The following ADAMTSL1 variants were observed in gnomAD, a reference collection of about 807,000 sequenced individuals.
ADAMTSL1 encodes the protein ADAMTS like 1, also known as ADAMTS-like protein 1.
In ADAMTSL1, 126 loss-of-function variants were observed where a neutral mutation model predicts 201.8. That is an observed-to-expected ratio of 0.62 (90% CI 0.54 to 0.72). The LOEUF is 0.72. Among genes scored for constraint, ADAMTSL1 ranks in the 30% least tolerant of loss-of-function variants. ADAMTSL1 has a pLI of 0.00. For synonymous variants in ADAMTSL1, 1,121 were observed against 903.4 expected, an observed-to-expected ratio of 1.24 and a Z score of -4.32; for missense variants, 2,679 against 2,277.8, an observed-to-expected ratio of 1.18 and a Z score of -3.59.
chr9:17,995,324 A>C (rs1819326064), intron 1 of ADAMTSL1, among the ~76,000 whole-genome samples: 1 of 152,074 alleles, frequency 6.6e-6, no homozygotes, highest in African/African-American at 2.4e-5. Flanking sequence ...GGGATTAGGG[A>C]GGTATTCTTT....
At chr9:18,839,693 C>G (rs1321569188) in intron 23 of ADAMTSL1, among the ~76,000 whole-genome samples, 1 of 152,128 alleles carries the variant, frequency 6.6e-6, no homozygotes, top group African/African-American at 2.4e-5. Context: ...TCTCCAGCAC[C>G]TGTTGTTTCC....
chr9:18,040,209 G>A (rs937442078), intron 1 of ADAMTSL1, among the ~76,000 whole-genome samples: 2 of 152,154 alleles, frequency 1.3e-5, no homozygotes, highest in African/African-American at 4.8e-5. Flanking sequence ...TTGTGAATAA[G>A]CCAGGAAGAT....
chr9:18,460,172 G>A (rs1252046641), intron 2 of ADAMTSL1, among the ~76,000 whole-genome samples: 4 of 152,148 alleles, frequency 2.6e-5, no homozygotes, highest in Admixed American at 6.5e-5. Flanking sequence ...CAGCTAAGCC[G>A]CTGAGCAACC....
At chr9:18,113,342 T>A in intron 1 of ADAMTSL1, among the ~76,000 whole-genome samples, 2 of 151,924 alleles carry the variant, frequency 1.3e-5, no homozygotes, top group East Asian at 3.9e-4. Context: ...AAACTCCAAA[T>A]GAGGTGGGGG....
At chr9:18,242,159 A>G (rs528139918) in intron 2 of ADAMTSL1, among the ~76,000 whole-genome samples, 2 of 152,314 alleles carry the variant, frequency 1.3e-5, no homozygotes, top group East Asian at 3.9e-4. Context: ...AAGATTTCAT[A>G]TCATGAACAA....
intron 1 of ADAMTSL1, among the ~76,000 whole-genome samples, chr9:17,913,697 CA>C (rs1563891074): frequency 6.6e-6 from 1 of 152,122 alleles, no homozygotes; most frequent in Non-Finnish European, 1.5e-5. Flanking sequence ...GAAATAGACA[CA>C]CAAAAAACCC....
At chr9:17,933,984 T>A (rs1336870008) in intron 1 of ADAMTSL1, among the ~76,000 whole-genome samples, 1 of 152,192 alleles carries the variant, frequency 6.6e-6, no homozygotes, top group Non-Finnish European at 1.5e-5. Context: ...AATATCCTCT[T>A]CTTGTTGTTT....
intron 16 of ADAMTSL1, among the ~76,000 whole-genome samples, chr9:18,756,076 A>AAAATATATATATATATATAT (rs1819728814): frequency 1.2e-5 from 1 of 80,700 alleles, no homozygotes; most frequent in Non-Finnish European, 2.6e-5. Context: ...CTCTACTGAA[A>AAAATATATATATATATATAT]ATATATATAT....
intron 1 of ADAMTSL1, among the ~76,000 whole-genome samples, chr9:17,954,058 G>C (rs111551661): frequency 2.9e-4 from 44 of 152,020 alleles, no homozygotes; most frequent in African/African-American, 1.0e-3. Flanking sequence ...GGAAGGTCTG[G>C]GGCTGGCTGA....
intron 21 of ADAMTSL1, among the ~76,000 whole-genome samples, chr9:18,818,155 C>G (rs562278553): frequency 1.6e-4 from 25 of 152,304 alleles, no homozygotes; most frequent in African/African-American, 6.0e-4. Context: ...CTAGGGGTTT[C>G]ACTGCCACAA....
intron 2 of ADAMTSL1, among the ~76,000 whole-genome samples, chr9:18,418,289 C>T (rs989968333): frequency 1.3e-5 from 2 of 152,120 alleles, no homozygotes; most frequent in African/African-American, 4.8e-5. Context: ...TGAACGTTTC[C>T]CCCCCGGCAC....
intron 2 of ADAMTSL1, among the ~76,000 whole-genome samples, chr9:18,314,750 A>T (rs1166885675): frequency 7.5e-6 from 1 of 133,000 alleles, no homozygotes; most frequent in Non-Finnish European, 1.5e-5. Context: ...AGGGGACCCC[A>T]GTGGGTTGCC....
At chr9:18,191,165 T>A (rs1212953532) in intron 2 of ADAMTSL1, among the ~76,000 whole-genome samples, 3 of 152,106 alleles carry the variant, frequency 2.0e-5, no homozygotes, top group Admixed American at 1.3e-4. Context: ...AGATAGTTTG[T>A]ATGGGTGGCT....
intron 2 of ADAMTSL1, among the ~76,000 whole-genome samples, chr9:18,468,312 C>G (rs1348448654): frequency 6.6e-6 from 1 of 152,124 alleles, no homozygotes. Flanking sequence ...GCAATGAGTT[C>G]TGTTTTGTTT....
At chr9:18,804,851 TACTC>T (rs1457535033) in intron 20 of ADAMTSL1, among the ~76,000 whole-genome samples, 1 of 152,252 alleles carries the variant, frequency 6.6e-6, no homozygotes, top group Non-Finnish European at 1.5e-5. Context: ...TTCTTTGATA[TACTC>T]ACTCTTTGTA....
chr9:18,293,491 G>A (rs192420196), intron 2 of ADAMTSL1, among the ~76,000 whole-genome samples: 4 of 152,306 alleles, frequency 2.6e-5, no homozygotes, highest in East Asian at 1.9e-4. Flanking sequence ...GGCCAGTGCC[G>A]TGGGCCTGCT....
chr9:17,975,804 T>C (rs543479128), intron 1 of ADAMTSL1, among the ~76,000 whole-genome samples: 4 of 152,136 alleles, frequency 2.6e-5, no homozygotes, highest in Non-Finnish European at 5.9e-5. Context: ...CCCGGATCAA[T>C]GTCATAAAGC....
chr9:18,493,567 T>C (rs908953735), intron 1 of ADAMTSL1, among the ~76,000 whole-genome samples: 1 of 152,212 alleles, frequency 6.6e-6, no homozygotes, highest in African/African-American at 2.4e-5. Flanking sequence ...TAAAGCTAGA[T>C]TAAGCCAAGA....
chr9:18,757,308 C>A (rs1036880130), intron 16 of ADAMTSL1, among the ~76,000 whole-genome samples: 14 of 152,194 alleles, frequency 9.2e-5, no homozygotes, highest in African/African-American at 3.4e-4. Context: ...CATCCTCCTC[C>A]TCCTCCTCCT....
Sources: allele counts gnomAD v4.1 joint callset (sites outside exome capture counted in the v4.1 genomes callset), GRCh38; gene constraint gnomAD v4.1.1; transcripts MANE v1.5; gene names NCBI Gene and HGNC (gene_info 2026-07-23, HGNC 2026-07-21).